Variants in DDR2 observed in about 807,000 individuals in gnomAD.
DDR2 encodes the protein discoidin domain receptor tyrosine kinase 2, also known as discoidin domain-containing receptor 2.
In DDR2, 27 loss-of-function variants were observed where a neutral mutation model predicts 94.9. The observed-to-expected ratio is 0.28, with a 90% CI of 0.21 to 0.39. The LOEUF is 0.39. Ranked by LOEUF, DDR2 falls within the 10% of genes least tolerant of loss-of-function variation. The pLI is 1.00. For missense variants in DDR2, 783 were observed against 1,076.0 expected (o/e 0.73, Z 3.81); for synonymous variants, 382 against 377.2 (o/e 1.01, Z -0.15).
chr1:162,668,275 G>C (rs1658677201), intron 2 of DDR2, among the ~76,000 whole-genome samples: 1 of 152,196 alleles, frequency 6.6e-6, no homozygotes, highest in Non-Finnish European at 1.5e-5. Flanking sequence ...CTAATTCTTT[G>C]ATGTGAAAAC....
rs370498133 is a variant in DDR2, at chr1:162,673,589, GTGTGTA to G, written c.-28+18221_-28+18226del. ...CATCTGTCATTATGTGCGTGTGTGT[GTGTGTA>G]TGTGTGTGTGTGTGAGAGAGAGAGA... On this transcript the variant is annotated intron_variant, in intron 2 of 17. Transcript: ENST00000367921. Among the ~76,000 whole-genome samples, 153 of 132,664 alleles carry G rather than the reference GTGTGTA, an allele frequency of 1.2e-3. 1 individual carries two copies. The highest frequency in any genetic ancestry group is 6.9e-3 in the Middle Eastern group (2 of 290). The allele number at this position is 132,664 out of a possible 152,430, so 87.0% of individuals were successfully genotyped here.
intron 2 of DDR2, 59 bp downstream of exon 2, chr1:162,655,433 C>T (rs1160454558): frequency 6.6e-6 from 1 of 152,206 alleles, no homozygotes; most frequent in Non-Finnish European, 1.5e-5. Context: ...TGGTGTGGCT[C>T]ACATTGAATC....
chr1:162,729,280 T>TTTTATATATATATATATATATA (rs1325128003), intron 3 of DDR2, among the ~76,000 whole-genome samples: 1 of 69,760 alleles, frequency 1.4e-5, no homozygotes, highest in African/African-American at 5.2e-5. Flanking sequence ...GCATATCCAT[T>TTTTATATATATATATATATATA]TATATATATA....
At chr1:162,633,413 G>A (rs1437624945) in intron 1 of DDR2, among the ~76,000 whole-genome samples, 1 of 152,170 alleles carries the variant, frequency 6.6e-6, no homozygotes, top group African/African-American at 2.4e-5. Flanking sequence ...GCCAGTAGGG[G>A]GTTCAGCACC....
intron 9 of DDR2, among the ~76,000 whole-genome samples, chr1:162,762,760 T>A (rs1247608001): frequency 6.6e-6 from 1 of 152,182 alleles, no homozygotes; most frequent in East Asian, 1.9e-4. Flanking sequence ...GTTTTTACCC[T>A]TATTTTTTTG....
intron 1 of DDR2, among the ~76,000 whole-genome samples, chr1:162,639,920 G>A (rs1657040527): frequency 6.6e-6 from 1 of 152,148 alleles, no homozygotes; most frequent in African/African-American, 2.4e-5. Flanking sequence ...GATTTTTAGG[G>A]TAGTGAAACT....
At chr1:162,711,749 C>T (rs1660925205) in intron 2 of DDR2, among the ~76,000 whole-genome samples, 2 of 152,016 alleles carry the variant, frequency 1.3e-5, no homozygotes. Flanking sequence ...CTCTTCATAT[C>T]TATATCATTT....
intron 1 of DDR2, among the ~76,000 whole-genome samples, chr1:162,652,829 G>A (rs1657769218): frequency 1.3e-5 from 2 of 152,256 alleles, no homozygotes; most frequent in South Asian, 4.1e-4. Context: ...TTGTGGCCAG[G>A]CATGGTGGCT....
intron 2 of DDR2, among the ~76,000 whole-genome samples, chr1:162,694,951 T>A (rs574376073): frequency 3.9e-5 from 6 of 152,170 alleles, no homozygotes; most frequent in Non-Finnish European, 8.8e-5. Context: ...CATGTAAAAT[T>A]TTTGTTCAGA....
chr1:162,769,602 A>G (rs1486890005), intron 11 of DDR2, among the ~76,000 whole-genome samples: 1 of 152,168 alleles, frequency 6.6e-6, no homozygotes, highest in Admixed American at 6.5e-5. Context: ...AGCATTTTAC[A>G]TGTTTAAACC....
chr1:162,725,754 C>A (rs191419961), intron 3 of DDR2, among the ~76,000 whole-genome samples: 28 of 152,298 alleles, frequency 1.8e-4, no homozygotes, highest in African/African-American at 6.3e-4. Context: ...ATGGACCAGC[C>A]ACGAATGGGC....
At chr1:162,667,790 A>G (rs111349888) in intron 2 of DDR2, among the ~76,000 whole-genome samples, 102 of 152,326 alleles carry the variant, frequency 6.7e-4, no homozygotes, top group African/African-American at 2.0e-3. Context: ...CCTCTCCCTC[A>G]AGGGAAGTGT....
chr1:162,646,966 A>G (rs562986204), intron 1 of DDR2, among the ~76,000 whole-genome samples: 22 of 152,332 alleles, frequency 1.4e-4, no homozygotes, highest in Non-Finnish European at 2.6e-4. Context: ...TTGTACCTCA[A>G]GGACTCACTC....
intron 3 of DDR2, among the ~76,000 whole-genome samples, chr1:162,725,639 G>A (rs1055824492): frequency 3.3e-5 from 5 of 152,112 alleles, no homozygotes; most frequent in African/African-American, 1.2e-4. Context: ...GGGATTACAG[G>A]CATGAGCCAC....
At chr1:162,726,595 C>T (rs763103644) in intron 3 of DDR2, among the ~76,000 whole-genome samples, 2 of 152,128 alleles carry the variant, frequency 1.3e-5, no homozygotes, top group Non-Finnish European at 2.9e-5. Context: ...GATAGAGGCC[C>T]AGGGAGACCT....
At position 162,742,644 on chromosome 1, in the gene DDR2, T is replaced by C. The variant is rs537529368; in HGVS notation, c.83-10451T>C. Among the ~76,000 whole-genome samples the C allele has an allele frequency of 3.3e-5, 5 of 152,330 alleles. No individual in the cohort carries two copies. In the South Asian group the frequency reaches 1.0e-3, roughly 32 times the overall value. On this transcript the variant is annotated intron_variant, in intron 3 of 17. Coordinates refer to ENST00000367921, the MANE Select transcript of DDR2 (RefSeq NM_006182.4). ...AGCCCCCACCTCCAGCATTGGGGAT[T>C]ACTTTTCAGTATGAGATTTGGGTGG...
rs375503388 is a variant in DDR2 at position 162,690,544 on chromosome 1, C to T, written c.-27-28493C>T. 5.3e-5 allele frequency among the ~76,000 whole-genome samples: 8 copies of T among 152,184 alleles called. No homozygotes were observed. The East Asian group carries it at 5.8e-4, about 11-fold the overall frequency. The stretch of plus-strand genomic sequence containing the variant: ...TAACGGGTGATAAGATAGATTTCCT[C>T]GATGCTTCTGTAGAGTTTACAGATG... On this transcript the variant is annotated intron_variant, in intron 2 of 17. Coordinates refer to ENST00000367921, the MANE Select transcript of DDR2 (RefSeq NM_006182.4).
intron 13 of DDR2, among the ~76,000 whole-genome samples, chr1:162,772,961 G>A (rs971658960): frequency 2.6e-5 from 4 of 152,116 alleles, no homozygotes; most frequent in Admixed American, 2.6e-4. Flanking sequence ...GTTGCAAGAG[G>A]TTGAGGGACC....
At chr1:162,677,262 G>A (rs1440454217) in intron 2 of DDR2, among the ~76,000 whole-genome samples, 1 of 152,092 alleles carries the variant, frequency 6.6e-6, no homozygotes, top group African/African-American at 2.4e-5. Flanking sequence ...CCTACCCCAG[G>A]GGGCCACTTC....
Sources: gnomAD v4.1 joint callset for allele counts (sites outside exome capture counted in the v4.1 genomes callset) on GRCh38, gnomAD v4.1.1 for gene constraint, MANE v1.5 for transcripts, NCBI Gene and HGNC (gene_info 2026-07-23, HGNC 2026-07-21) for gene names.